PLCL1: variants seen among roughly 807,000 people sequenced by gnomAD.
PLCL1 encodes phospholipase C like 1 (inactive).
In PLCL1, 41 loss-of-function variants were observed where a neutral mutation model predicts 84.4. The ratio of observed to expected loss-of-function variants is 0.49; its 90% confidence interval spans 0.38 to 0.63. The LOEUF is 0.63. PLCL1 is among the 30% of genes least tolerant of loss of function. The pLI, the probability that PLCL1 is intolerant of heterozygous loss-of-function variation, is 0.00. For missense variants in PLCL1, 1,206 were observed against 1,367.8 expected (o/e 0.88, Z 1.87); for synonymous variants, 490 against 488.3 (o/e 1.00, Z -0.05).
intron 1 of PLCL1, among the ~76,000 whole-genome samples, chr2:197,976,502 G>T (rs2105801236): frequency 6.6e-6 from 1 of 152,208 alleles, no homozygotes; most frequent in South Asian, 2.1e-4. Context: ...AGGAGGGCGT[G>T]CAGTGGCATG....
rs1180602625 is a variant in PLCL1, at chr2:198,084,236, G to A, written c.719G>A (p.Arg240Gln). Residue 240 changes from arginine to glutamine, a missense_variant, in exon 2 of 6, where the codon CGG becomes CAG. By Grantham distance (43) the Arg-to-Gln change is conservative. Transcript: ENST00000428675. ...DFMEGNQNTP[R>Q]FMWLKTVFEA... ...ATGGAGGGCAACCAGAACACACCACGGTTCATGTGGTTGAAAACAGTGTTT... is the reference window on the plus strand; with the variant it reads ...ATGGAGGGCAACCAGAACACACCACAGTTCATGTGGTTGAAAACAGTGTTT... 6 of 1,614,040 alleles carry A rather than the reference G, an allele frequency of 3.7e-6. No individual in the cohort carries two copies. Among genetic ancestry groups the A allele is most frequent in the African/African-American group, 2.7e-5 (2 of 75,032 alleles).
Position 197,864,070 on chromosome 2 carries a change from G to A in PLCL1, c.240+58731G>A, listed in dbSNP as rs1013676073. 7.3e-4 allele frequency among the ~76,000 whole-genome samples: 111 copies of A among 152,274 alleles called. 1 individual carries two copies. The highest frequency in any genetic ancestry group is 2.6e-3 in the African/African-American group (109 of 41,572). ...ATGACAGATTTAGCTCTCTAACCATGTCCCTGGTCACCTCTTAGACTAAAA... is the reference window on the plus strand; with the variant it reads ...ATGACAGATTTAGCTCTCTAACCATATCCCTGGTCACCTCTTAGACTAAAA... On this transcript the variant is annotated intron_variant, in intron 1 of 5. Transcript: ENST00000428675.
chr2:198,049,003 G>T (rs1301830072), intron 1 of PLCL1, among the ~76,000 whole-genome samples: 5 of 152,194 alleles, frequency 3.3e-5, no homozygotes, highest in African/African-American at 1.2e-4. Context: ...AGAAAGGTGA[G>T]GGGAGATAAG....
chr2:197,895,443 A>T (rs1035665228), intron 1 of PLCL1, among the ~76,000 whole-genome samples: 4 of 151,924 alleles, frequency 2.6e-5, no homozygotes, highest in African/African-American at 9.7e-5. Context: ...GCAAATTTCC[A>T]TATGTAGAAA....
intron 1 of PLCL1, among the ~76,000 whole-genome samples, chr2:198,045,507 T>C (rs1366914740): frequency 6.6e-6 from 1 of 152,220 alleles, no homozygotes; most frequent in Admixed American, 6.5e-5. Context: ...ATCTTAACTG[T>C]GGAAATATTT....
intron 1 of PLCL1, among the ~76,000 whole-genome samples, chr2:197,911,543 C>T (rs1688485849): frequency 6.6e-6 from 1 of 151,950 alleles, no homozygotes; most frequent in Non-Finnish European, 1.5e-5. Context: ...AAATATTGTA[C>T]TTTATTTACC....
chr2:197,872,061 A>G (rs1368499631), intron 1 of PLCL1, among the ~76,000 whole-genome samples: 1 of 152,176 alleles, frequency 6.6e-6, no homozygotes, highest in Non-Finnish European at 1.5e-5. Flanking sequence ...AGTCTGGATT[A>G]CAAACCTTTT....
chr2:197,906,152 C>T (rs1395175304), intron 1 of PLCL1, among the ~76,000 whole-genome samples: 1 of 152,134 alleles, frequency 6.6e-6, no homozygotes, highest in East Asian at 1.9e-4. Flanking sequence ...TGCCTATGTC[C>T]TGAATGGTAT....
Position 197,817,224 on chromosome 2 carries a change from T to C in PLCL1, c.240+11885T>C, listed in dbSNP as rs1030225171. ...TTGGTCACATTCTCTTAAAGTGATT[T>C]TTTTTTTCTTGTCCAAAAAGAAAGG... On this transcript the variant is annotated intron_variant, in intron 1 of 5. Transcript: ENST00000428675. Among the ~76,000 whole-genome samples, 13 of 152,322 alleles carry C rather than the reference T, an allele frequency of 8.5e-5. 1 individual carries two copies. The South Asian group carries it at 1.9e-3, about 22-fold the overall frequency.
chr2:197,976,221 C>T (rs1689977322), intron 1 of PLCL1, among the ~76,000 whole-genome samples: 1 of 152,200 alleles, frequency 6.6e-6, no homozygotes, highest in Non-Finnish European at 1.5e-5. Flanking sequence ...CTCTCAAGAA[C>T]TTGTGTTGTG....
At chr2:198,004,180 A>G (rs1052334196) in intron 1 of PLCL1, among the ~76,000 whole-genome samples, 1 of 152,040 alleles carries the variant, frequency 6.6e-6, no homozygotes, top group Non-Finnish European at 1.5e-5. Context: ...GCCAATTTCT[A>G]CAAATGTTCT....
At chr2:198,089,549 G>A (rs2105902344) in intron 3 of PLCL1, among the ~76,000 whole-genome samples, 1 of 152,278 alleles carries the variant, frequency 6.6e-6, no homozygotes, top group Non-Finnish European at 1.5e-5. Flanking sequence ...ACCATCAGGA[G>A]TGATGAAAAG....
At chr2:198,050,937 TC>T (rs1254550885) in intron 1 of PLCL1, among the ~76,000 whole-genome samples, 1 of 152,248 alleles carries the variant, frequency 6.6e-6, no homozygotes, top group African/African-American at 2.4e-5. Flanking sequence ...AAATTGGGTT[TC>T]CGCAAATGGT....
At chr2:197,886,411 CAAAAAAAAAAAA>C (rs61183744) in intron 1 of PLCL1, among the ~76,000 whole-genome samples, 7 of 77,084 alleles carry the variant, frequency 9.1e-5, no homozygotes, top group African/African-American at 1.3e-4. Context: ...GACTCTGTCT[CAAAAAAAAAAAA>C]AAAAAAAAAA....
At chr2:197,956,146 G>A (rs1559055620) in intron 1 of PLCL1, among the ~76,000 whole-genome samples, 2 of 152,116 alleles carry the variant, frequency 1.3e-5, no homozygotes, top group Non-Finnish European at 2.9e-5. Flanking sequence ...CAAAGGACAT[G>A]AACTCATTCT....
At chr2:198,002,516 A>G (rs1358936347) in intron 1 of PLCL1, among the ~76,000 whole-genome samples, 1 of 152,206 alleles carries the variant, frequency 6.6e-6, no homozygotes, top group African/African-American at 2.4e-5. Context: ...TACAGCTTGA[A>G]TCATTGAAAA....
At chr2:197,972,638 AC>A (rs1201291233) in intron 1 of PLCL1, among the ~76,000 whole-genome samples, 2 of 152,196 alleles carry the variant, frequency 1.3e-5, no homozygotes, top group African/African-American at 4.8e-5. Flanking sequence ...CAAGCCGTTT[AC>A]ATTTTCTGGG....
chr2:198,016,569 T>C (rs187385173), intron 1 of PLCL1, among the ~76,000 whole-genome samples: 17 of 152,286 alleles, frequency 1.1e-4, no homozygotes, highest in Admixed American at 3.9e-4. Flanking sequence ...TTGAGCAAAT[T>C]ATTTAACTTC....
intron 1 of PLCL1, among the ~76,000 whole-genome samples, chr2:197,991,807 A>G (rs894711783): frequency 7.9e-5 from 12 of 151,620 alleles, no homozygotes; most frequent in African/African-American, 2.7e-4. Flanking sequence ...CTCCTAGCTT[A>G]CTCCCCTTGA....
Sources: allele counts gnomAD v4.1 joint callset (sites outside exome capture counted in the v4.1 genomes callset), GRCh38; gene constraint gnomAD v4.1.1; transcripts MANE v1.5; gene names NCBI Gene and HGNC (gene_info 2026-07-23, HGNC 2026-07-21).